POLE: variants seen among roughly 807,000 people sequenced by gnomAD.
POLE encodes the protein DNA polymerase epsilon catalytic subunit A.
Under a neutral mutation model 279.2 loss-of-function variants are expected in POLE, and 188 were observed. The observed-to-expected ratio is 0.67, with a 90% confidence interval of 0.60 to 0.76. The LOEUF (loss-of-function observed/expected upper bound fraction) is 0.76. Ranked by LOEUF, POLE falls within the 30% of genes least tolerant of loss-of-function variation. The pLI is 0.00. For synonymous variants in POLE, 1,214 were observed against 1,172.5 expected (o/e 1.04, Z -0.72); for missense variants, 2,703 against 3,016.7 (o/e 0.90, Z 2.44).
rs780436496 is a variant in POLE, at chr12:132,687,265, G to A, written c.51C>T (p.Gly17=). The change falls in exon 1 of 49, where the codon GGC becomes GGT. Residue 17 remains glycine (G), a synonymous_variant. Transcript: ENST00000320574. ...GRRRADPGAD[G]EASRDDGATS... The stretch of plus-strand genomic sequence containing the variant: ...AGGGCGCCCCTCACCTGCTGGCCTC[G>A]CCATCCGCGCCTGGGTCCGCGCGCC... 2 of 1,497,250 alleles carry A rather than the reference G, an allele frequency of 1.3e-6. No individual in the cohort carries two copies. The highest frequency in any genetic ancestry group is 8.9e-7 in the Non-Finnish European group (1 of 1,125,672). 92.7% of individuals were successfully genotyped at this position (1,497,250 alleles called of 1,614,324 possible).
At chr12:132,663,556 C>T (rs191536877) in intron 23 of POLE, among the ~76,000 whole-genome samples, 11 of 152,292 alleles carry the variant, frequency 7.2e-5, no homozygotes, top group South Asian at 4.1e-4. Flanking sequence ...CTCGGCGCCA[C>T]GTGGGTCCTT....
chr12:132,657,818 C>T, intron 27 of POLE, 50 bp downstream of exon 27: 1 of 1,279,672 alleles, frequency 7.8e-7, no homozygotes, highest in Non-Finnish European at 1.1e-6. Flanking sequence ...TCTGCTCTGT[C>T]TAGCTTTCCT....
In POLE at chr12:132,675,064, C is replaced by T. The variant is rs866391061; in HGVS notation, c.1226+334G>A. ...CCGTGAGGCTTGTCCTGTGAGGCAG[C>T]CGGGCTGCCACATCCCAACCTTGCC... On this transcript the variant is annotated intron_variant, in intron 12 of 48. Transcript: ENST00000320574. This position sits in a 1 kb window ranked among gnomAD's most constrained non-coding sequence, Gnocchi z 4.3. Among the ~76,000 whole-genome samples, 65 of 152,204 alleles carry T rather than the reference C, an allele frequency of 4.3e-4. No homozygotes were observed. Among genetic ancestry groups the T allele is most frequent in the Non-Finnish European group, 9.0e-4 (61 of 68,036 alleles).
At position 132,661,827 on chromosome 12, in the gene POLE, G is replaced by T; in HGVS notation, c.2707-143C>A. 1 of 824,018 alleles carries T rather than the reference G, an allele frequency of 1.2e-6. No individual in the cohort carries two copies. Among genetic ancestry groups the T allele is most frequent in the East Asian group, 2.6e-5 (1 of 39,092 alleles). 51.0% of individuals were successfully genotyped at this position (824,018 alleles called of 1,614,324 possible). A position where few individuals can be genotyped will look rare whatever the true frequency, so the allele number is the denominator to read the frequency against. ...ACACGACTTGGCAGCAGGAAGGAAG[G>T]AAGTTCTGATGCATGCAACCAAGTG... On this transcript the variant is annotated intron_variant, in intron 23 of 48. Coordinates refer to ENST00000320574, the MANE Select transcript of POLE (RefSeq NM_006231.4). The surrounding 1 kb of genome is among the most constrained non-coding windows in gnomAD (Gnocchi z 4.1).
In POLE at chr12:132,668,168, T is replaced by TG. The variant is rs2042838055; in HGVS notation, c.2173+187dup. 6.6e-6 allele frequency among the ~76,000 whole-genome samples: 1 copy of TG among 151,994 alleles called. No individual in the cohort carries two copies. The highest frequency in any genetic ancestry group is 2.4e-5 in the African/African-American group (1 of 41,376). On this transcript the variant is annotated intron_variant, in intron 19 of 48. Coordinates refer to ENST00000320574, the MANE Select transcript of POLE (RefSeq NM_006231.4). The surrounding 1 kb of genome is among the most constrained non-coding windows in gnomAD (Gnocchi z 4.0). ...CCACAGAGCAGCAGTGTCTAACACTTGCAGATGGGGAAGCAAATAAAGGAC... is the reference window on the plus strand; with the variant it reads ...CCACAGAGCAGCAGTGTCTAACACTTGGCAGATGGGGAAGCAAATAAAGGAC...
Position 132,664,560 on chromosome 12 carries a change from A to C in POLE, c.2469-98T>G. ...TAGGGAGGAGGAAAGGAGAGATGCG[A>C]CAGGGACAAGGGAAGCAGCCAAATG... is the stretch of plus-strand genomic sequence containing the variant. On this transcript the variant is annotated intron_variant, in intron 21 of 48. Coordinates refer to ENST00000320574, the MANE Select transcript of POLE (RefSeq NM_006231.4). The surrounding 1 kb of genome is among the most constrained non-coding windows in gnomAD (Gnocchi z 5.3). 4 of 897,332 alleles carry C rather than the reference A, an allele frequency of 4.5e-6. No individual in the cohort carries two copies. Among genetic ancestry groups the C allele is most frequent in the Non-Finnish European group, 7.2e-6 (4 of 552,534 alleles). The allele number at this position is 897,332 out of a possible 1,614,324, so 55.6% of individuals were successfully genotyped here. A position where few individuals can be genotyped will look rare whatever the true frequency, so the allele number is the denominator to read the frequency against.
chr12:132,677,299 C>T (rs2043075954), intron 8 of POLE, 64 bp downstream of exon 8: 4 of 1,161,460 alleles, frequency 3.4e-6, no homozygotes, highest in Admixed American at 3.4e-5. Context: ...CTCTCCAGCA[C>T]TGAAGAATAT....
Position 132,649,323 on chromosome 12 carries a change from G to T in POLE, c.3988C>A (p.Pro1330Thr), listed in dbSNP as rs2042362273. The change falls in exon 31 of 49, where the codon CCG (proline) becomes ACG (threonine). Residue 1330 changes from proline to threonine, a missense_variant. Transcript: ENST00000320574. ...GTCTATACCTGCACAATCTGCCACGGAAGGTCCAGGATGCTGCGGGCAGTT... is the reference window on the plus strand; with the variant it reads ...GTCTATACCTGCACAATCTGCCACGTAAGGTCCAGGATGCTGCGGGCAGTT... ...RRTARSILDLPWQIVQISETS... is the reference protein window; with the variant it reads ...RRTARSILDLTWQIVQISETS... 6.2e-7 allele frequency: 1 copy of T among 1,613,664 alleles called. No homozygotes were observed. Among genetic ancestry groups the T allele is most frequent in the South Asian group, 1.1e-5 (1 of 91,090 alleles).
rs1173223514 is a variant in POLE at position 132,661,589 on chromosome 12, A to G, written c.2802T>C (p.Asp934=). The G allele has an allele frequency of 2.5e-6, 4 of 1,614,088 alleles. No individual in the cohort carries two copies. Among genetic ancestry groups the G allele is most frequent in the South Asian group, 1.1e-5 (1 of 91,086 alleles). Residue 934 remains aspartate (D), a synonymous_variant, in exon 24 of 49, where the codon GAT becomes GAC. Coordinates refer to ENST00000320574, the MANE Select transcript of POLE (RefSeq NM_006231.4). This position sits in a 1 kb window ranked among gnomAD's most constrained non-coding sequence, Gnocchi z 4.1. ...RSENSIFFEV[D]GPYLAMILPA... ...GAAGAATCATGGCAAGGTAGGGCCC[A>G]TCAACCTCAAAAAAGATGCTGTTCT...
At position 132,642,703 on chromosome 12, in the gene POLE, G is replaced by A. The variant is rs540172985; in HGVS notation, c.4755C>T (p.Ile1585=). 1.8e-5 allele frequency: 29 copies of A among 1,613,796 alleles called. No homozygotes were observed. Among genetic ancestry groups the A allele is most frequent in the African/African-American group, 1.7e-4 (13 of 75,058 alleles). ...TCAGCTCCCAGCTGGACTGAACAGC[G>A]ATGAGTGTGGGCCCCCGGCGCTCCT... ...YKEERRGPTL[I]AVQSSWELKR... Residue 1585 remains isoleucine (I), a synonymous_variant, in exon 37 of 49, where the codon ATC becomes ATT. Transcript: ENST00000320574.
chr12:132,652,496 A>AT (rs957816917), intron 29 of POLE, among the ~76,000 whole-genome samples: 46 of 150,950 alleles, frequency 3.0e-4, no homozygotes, highest in African/African-American at 9.7e-4. Context: ...GTTGTGCCGG[A>AT]TTTTTTTTGT....
chr12:132,672,346 G>A (rs1393089566), intron 15 of POLE, 24 bp from the exon 16 acceptor site: 1 of 1,577,394 alleles, frequency 6.3e-7, no homozygotes, highest in African/African-American at 1.3e-5. Context: ...GAGACGACGG[G>A]GTCAGAGGGG....
At position 132,676,091 on chromosome 12, in the gene POLE, T is replaced by C. The variant is rs1438521511; in HGVS notation, c.1020+3A>G. ...GGTAGTTTCCCAAGTGATACCTCCT[T>C]ACCTCATCGGGTTCATTGAAGACAC... On this transcript the variant is annotated splice_donor_region_variant and intron_variant, in intron 10 of 48. Coordinates refer to ENST00000320574, the MANE Select transcript of POLE (RefSeq NM_006231.4). 6.3e-7 allele frequency: 1 copy of C among 1,589,414 alleles called. No homozygotes were observed. Among genetic ancestry groups the C allele is most frequent in the Non-Finnish European group, 8.6e-7 (1 of 1,161,492 alleles).
intron 27 of POLE, 39 bp downstream of exon 27, chr12:132,657,829 T>C: frequency 7.3e-7 from 1 of 1,376,718 alleles, no homozygotes. Flanking sequence ...TAGCTTTCCT[T>C]GTAAACTTTT....
chr12:132,644,459 C>T (rs942656248), intron 32 of POLE, among the ~76,000 whole-genome samples: 5 of 151,768 alleles, frequency 3.3e-5, no homozygotes, highest in Admixed American at 2.0e-4. Flanking sequence ...GGCCTCTGGA[C>T]GCAATTTTGA....
Position 132,661,663 on chromosome 12 carries a change from A to G in POLE, c.2728T>C (p.Tyr910His). The change falls in exon 24 of 49, where the codon TAC (tyrosine) becomes CAC (histidine). Residue 910 changes from tyrosine to histidine, a missense_variant. Physicochemically the swap from Tyr to His is moderately conservative, Grantham distance 83. Transcript: ENST00000320574. The surrounding 1 kb of genome is among the most constrained non-coding windows in gnomAD (Gnocchi z 4.1). ...GAGGACGGCTCAGCCAGCTCCTGGTACTGGTCATTGGTGAAGCCTTCCTGA... is the reference window on the plus strand; with the variant it reads ...GAGGACGGCTCAGCCAGCTCCTGGTGCTGGTCATTGGTGAAGCCTTCCTGA... ...MVKEGFTNDQ[Y>H]QELAEPSSLT... 1 of 1,614,124 alleles carries G rather than the reference A, an allele frequency of 6.2e-7. No individual in the cohort carries two copies. Among genetic ancestry groups the G allele is most frequent in the East Asian group, 2.2e-5 (1 of 44,878 alleles).
chr12:132,624,112 A>G lies in POLE; in HGVS notation c.*585T>C. On this transcript the variant is annotated 3_prime_UTR_variant, in exon 49 of 49. Coordinates refer to ENST00000320574, the MANE Select transcript of POLE (RefSeq NM_006231.4). ...CCTCTAGACCCGGCTCCAAATAAGC[A>G]GGGCTCACAAGCCAAAATCCAGATT... The G allele has an allele frequency of 4.7e-6, 1 of 211,822 alleles. No individual in the cohort carries two copies. The highest frequency in any genetic ancestry group is 9.5e-6 in the Non-Finnish European group (1 of 104,776). 13.1% of individuals were successfully genotyped at this position (211,822 alleles called of 1,614,324 possible).
chr12:132,631,272 G>C (rs2041928061), intron 45 of POLE, among the ~76,000 whole-genome samples: 1 of 152,288 alleles, frequency 6.6e-6, no homozygotes, highest in Admixed American at 6.5e-5. Flanking sequence ...ACACACCAGT[G>C]GCTAAAGGGT....
chr12:132,679,953 C>T lies in POLE; in HGVS notation c.423+1G>A. On this transcript the variant is annotated splice_donor_variant, in intron 5 of 48. Transcript: ENST00000320574. LOFTEE classifies it high-confidence loss of function. ...CCCTGGAAAGTCTGGGTGATACTCA[C>T]CAAGTCCAGATCCTCTTTGGGGACA... 2 of 1,607,244 alleles carry T rather than the reference C, an allele frequency of 1.2e-6. No individual in the cohort carries two copies. Among genetic ancestry groups the T allele is most frequent in the Admixed American group, 3.3e-5 (2 of 59,740 alleles).
Sources: gnomAD v4.1 joint callset for allele counts (sites outside exome capture counted in the v4.1 genomes callset) on GRCh38, gnomAD v4.1.1 for gene constraint, Gnocchi (gnomAD v3.1) non-coding constraint, MANE v1.5 for transcripts, NCBI Gene and HGNC (gene_info 2026-07-23, HGNC 2026-07-21) for gene names.